FHIT: variants seen among roughly 807,000 people sequenced by gnomAD.
FHIT encodes the protein bis(5'-adenosyl)-triphosphatase.
In FHIT, 19 loss-of-function variants were observed where a neutral mutation model predicts 17.9. The observed-to-expected ratio is 1.06, with a 90% CI of 0.74 to 1.56. The LOEUF is 1.56. Ranked by LOEUF, FHIT falls within the 40% of genes most tolerant of loss-of-function variation. The pLI is 0.00. For synonymous variants in FHIT, 81 were observed against 69.7 expected, an observed-to-expected ratio of 1.16 and a Z score of -0.81; for missense variants, 248 against 189.2, an observed-to-expected ratio of 1.31 and a Z score of -1.82.
intron 5 of FHIT, among the ~76,000 whole-genome samples, chr3:60,338,747 GT>G (rs1166700055): frequency 6.6e-6 from 1 of 152,160 alleles, no homozygotes; most frequent in Non-Finnish European, 1.5e-5. Context: ...CATAATGGTG[GT>G]ACTGTGATGG....
chr3:60,163,406 G>A (rs1477522540), intron 5 of FHIT, among the ~76,000 whole-genome samples: 3 of 151,952 alleles, frequency 2.0e-5, no homozygotes, highest in Admixed American at 6.6e-5. Context: ...GACATATAAG[G>A]CCCTGGGTAG....
At chr3:60,662,840 A>G (rs1300618849) in intron 4 of FHIT, among the ~76,000 whole-genome samples, 1 of 151,878 alleles carries the variant, frequency 6.6e-6, no homozygotes, top group African/African-American at 2.4e-5. Context: ...ATTTTCTCCC[A>G]CATTTATTTT....
intron 8 of FHIT, among the ~76,000 whole-genome samples, chr3:59,833,750 G>A (rs1408808425): frequency 6.6e-6 from 1 of 152,104 alleles, no homozygotes; most frequent in Non-Finnish European, 1.5e-5. Flanking sequence ...ATCTCATCTC[G>A]AATTGTAATC....
chr3:61,042,367 T>G (rs1337481702), intron 2 of FHIT, among the ~76,000 whole-genome samples: 1 of 152,154 alleles, frequency 6.6e-6, no homozygotes, highest in Non-Finnish European at 1.5e-5. Flanking sequence ...ACAACAGGAT[T>G]GAAACTTAAA....
At chr3:60,972,442 C>T (rs918608421) in intron 3 of FHIT, among the ~76,000 whole-genome samples, 1 of 151,986 alleles carries the variant, frequency 6.6e-6, no homozygotes, top group East Asian at 1.9e-4. Flanking sequence ...AGCTTTATGT[C>T]TCATTGGTGT....
intron 8 of FHIT, among the ~76,000 whole-genome samples, chr3:59,804,465 G>A (rs530433707): frequency 6.6e-6 from 1 of 152,310 alleles, no homozygotes; most frequent in Non-Finnish European, 1.5e-5. Context: ...AGCAAGGAAA[G>A]AATGAAGCAA....
intron 5 of FHIT, among the ~76,000 whole-genome samples, chr3:60,092,076 G>C (rs1031614784): frequency 6.6e-6 from 1 of 152,050 alleles, no homozygotes; most frequent in East Asian, 1.9e-4. Context: ...GCATTTTAAG[G>C]AATAGTACGA....
intron 2 of FHIT, among the ~76,000 whole-genome samples, chr3:61,194,746 G>T (rs1021590853): frequency 6.6e-6 from 1 of 152,070 alleles, no homozygotes; most frequent in Non-Finnish European, 1.5e-5. Context: ...AGTCACACAT[G>T]GTATGTAAAG....
At chr3:60,914,513 C>CA (rs782603421) in intron 3 of FHIT, among the ~76,000 whole-genome samples, 54 of 115,434 alleles carry the variant, frequency 4.7e-4, no homozygotes, top group South Asian at 8.2e-4. Flanking sequence ...GTAAGGTTTT[C>CA]AAAAAAAAAA....
At chr3:60,678,433 A>C (rs1416867387) in intron 4 of FHIT, among the ~76,000 whole-genome samples, 1 of 152,212 alleles carries the variant, frequency 6.6e-6, no homozygotes, top group Admixed American at 6.5e-5. Flanking sequence ...ATAAGAGAAA[A>C]GAAACACTTA....
chr3:61,069,108 A>C (rs1046540363), intron 2 of FHIT, among the ~76,000 whole-genome samples: 3 of 152,174 alleles, frequency 2.0e-5, no homozygotes, highest in Non-Finnish European at 4.4e-5. Context: ...TTTAATGGCA[A>C]GATCCCTGAA....
At chr3:61,240,190 T>A (rs1417979111) in intron 1 of FHIT, among the ~76,000 whole-genome samples, 1 of 152,208 alleles carries the variant, frequency 6.6e-6, no homozygotes, top group East Asian at 1.9e-4. Flanking sequence ...CTTGTTTTTA[T>A]CCACCAGGCT....
intron 3 of FHIT, among the ~76,000 whole-genome samples, chr3:61,006,443 C>T (rs749037402): frequency 4.6e-5 from 7 of 151,840 alleles, no homozygotes; most frequent in South Asian, 2.1e-4. Context: ...AAATATTTCA[C>T]GAATCCAAGG....
chr3:59,815,900 T>A lies in FHIT; in HGVS notation c.349-63579A>T, dbSNP rs565533541. 1.1e-3 allele frequency among the ~76,000 whole-genome samples: 162 copies of A among 151,676 alleles called. 1 individual carries two copies. Among genetic ancestry groups the A allele is most frequent in the Middle Eastern group, 3.4e-3 (1 of 290 alleles). On this transcript the variant is annotated intron_variant, in intron 8 of 9. Transcript: ENST00000492590. ...ATAACCTATAGAAATAAAAAAAAAA[T>A]TTAAATCAGCTAGAGCCAAGCAGAA...
intron 3 of FHIT, among the ~76,000 whole-genome samples, chr3:60,893,303 G>T (rs1189412274): frequency 1.3e-5 from 2 of 152,088 alleles, no homozygotes; most frequent in Non-Finnish European, 2.9e-5. Context: ...AAGCACTCAG[G>T]TTTAACTGAT....
chr3:59,812,672 A>T (rs1700450145), intron 8 of FHIT, among the ~76,000 whole-genome samples: 1 of 152,102 alleles, frequency 6.6e-6, no homozygotes, highest in Non-Finnish European at 1.5e-5. Context: ...TTTCCTGTAC[A>T]CTCGACAGGA....
At chr3:60,076,727 T>A (rs983388910) in intron 5 of FHIT, among the ~76,000 whole-genome samples, 13 of 152,170 alleles carry the variant, frequency 8.5e-5, no homozygotes, top group African/African-American at 3.1e-4. Flanking sequence ...CAATAATTAT[T>A]TTAAAATTAA....
chr3:61,141,991 T>C (rs2037096866), intron 2 of FHIT, among the ~76,000 whole-genome samples: 1 of 151,468 alleles, frequency 6.6e-6, no homozygotes. Flanking sequence ...AGGACCAATC[T>C]GCCTCCCAGA....
chr3:60,121,106 T>C (rs984043298), intron 5 of FHIT, among the ~76,000 whole-genome samples: 5 of 152,150 alleles, frequency 3.3e-5, no homozygotes, highest in Non-Finnish European at 7.3e-5. Flanking sequence ...ATTGATCATG[T>C]CTTCATTCTA....
Sources: gnomAD v4.1 joint callset for allele counts (sites outside exome capture counted in the v4.1 genomes callset) on GRCh38, gnomAD v4.1.1 for gene constraint, MANE v1.5 for transcripts, NCBI Gene and HGNC (gene_info 2026-07-23, HGNC 2026-07-21) for gene names.